The following TMEM135 variants were observed in gnomAD, a reference collection of about 807,000 sequenced individuals.
TMEM135 encodes the protein peroxisomal membrane protein 52.
In TMEM135, 30 loss-of-function variants were observed where a neutral mutation model predicts 60.3. The ratio of observed to expected loss-of-function variants is 0.50; its 90% confidence interval spans 0.37 to 0.68. The LOEUF is 0.68. Among genes scored for constraint, TMEM135 ranks in the 30% least tolerant of loss-of-function variants. The probability of loss-of-function intolerance (pLI) is 0.00; values close to 1 mark genes in which losing one functional copy is unlikely to be tolerated. For missense variants in TMEM135, 468 were observed against 548.8 expected (o/e 0.85, Z 1.47); for synonymous variants, 190 against 186.7 (o/e 1.02, Z -0.14).
chr11:87,156,594 A>G lies in TMEM135; in HGVS notation c.397-747A>G, dbSNP rs558625689. 5.3e-5 allele frequency among the ~76,000 whole-genome samples: 8 copies of G among 151,772 alleles called. No individual in the cohort carries two copies. The South Asian group carries it at 1.7e-3, about 32-fold the overall frequency. On this transcript the variant is annotated intron_variant, in intron 4 of 14. Coordinates refer to ENST00000305494, the MANE Select transcript of TMEM135 (RefSeq NM_022918.4). Reference sequence around the variant, plus strand: ...TCACTTCCTTGTTTTATTTTTCCCTAGGAGTTTTTTTTTATGCTGTTGTAA... The same window carrying G: ...TCACTTCCTTGTTTTATTTTTCCCTGGGAGTTTTTTTTTATGCTGTTGTAA...
chr11:87,264,025 A>G (rs187849670), intron 6 of TMEM135, among the ~76,000 whole-genome samples: 37 of 152,108 alleles, frequency 2.4e-4, no homozygotes, highest in Non-Finnish European at 4.9e-4. Context: ...AAAAATTCTT[A>G]ATGTATATTT....
At chr11:87,264,073 A>C (rs543745621) in intron 6 of TMEM135, among the ~76,000 whole-genome samples, 1 of 152,128 alleles carries the variant, frequency 6.6e-6, no homozygotes, top group East Asian at 1.9e-4. Flanking sequence ...CTGTAGTGGA[A>C]ATATCATACC....
intron 6 of TMEM135, among the ~76,000 whole-genome samples, chr11:87,280,559 T>C (rs1942043371): frequency 6.6e-6 from 1 of 152,216 alleles, no homozygotes; most frequent in African/African-American, 2.4e-5. Flanking sequence ...TTATAGCACC[T>C]TAAATGTCTT....
intron 3 of TMEM135, 51 bp downstream of exon 3, chr11:87,071,666 C>A (rs774385731): frequency 6.5e-6 from 9 of 1,394,338 alleles, no homozygotes; most frequent in Non-Finnish European, 7.8e-6. Context: ...TCCCCTACCC[C>A]AACTATAATT....
intron 4 of TMEM135, among the ~76,000 whole-genome samples, chr11:87,151,808 T>C (rs1938562958): frequency 1.3e-5 from 2 of 152,108 alleles, no homozygotes; most frequent in Non-Finnish European, 2.9e-5. Context: ...GAAAGAGATA[T>C]AGTAGGTGGT....
chr11:87,158,797 C>A (rs1398148200), intron 5 of TMEM135, among the ~76,000 whole-genome samples: 2 of 152,102 alleles, frequency 1.3e-5, no homozygotes, highest in Admixed American at 6.6e-5. Context: ...TATATTTTGT[C>A]TATACAGAAA....
chr11:87,077,191 T>C (rs1856891531), intron 3 of TMEM135, among the ~76,000 whole-genome samples: 1 of 152,248 alleles, frequency 6.6e-6, no homozygotes, highest in South Asian at 2.1e-4. Flanking sequence ...TTCATTTCTA[T>C]ATTTATATCA....
At chr11:87,183,135 ATTTTT>A (rs772123636) in intron 5 of TMEM135, among the ~76,000 whole-genome samples, 2,290 of 92,616 alleles carry the variant, frequency 0.025, 17 homozygotes, top group South Asian at 0.04. Flanking sequence ...GTAATCACTA[ATTTTT>A]TTTTTTTTTT....
At chr11:87,285,693 A>G (rs1942151613) in intron 6 of TMEM135, among the ~76,000 whole-genome samples, 1 of 152,226 alleles carries the variant, frequency 6.6e-6, no homozygotes, top group African/African-American at 2.4e-5. Context: ...AGGTATTGCA[A>G]AGAGCGAAAG....
At chr11:87,122,025 C>T (rs2135217104) in intron 4 of TMEM135, among the ~76,000 whole-genome samples, 1 of 152,298 alleles carries the variant, frequency 6.6e-6, no homozygotes, top group African/African-American at 2.4e-5. Flanking sequence ...ATTAGTAAAA[C>T]ATTTTAATTG....
At chr11:87,183,675 G>T (rs978331713) in intron 5 of TMEM135, among the ~76,000 whole-genome samples, 1 of 151,974 alleles carries the variant, frequency 6.6e-6, no homozygotes, top group Non-Finnish European at 1.5e-5. Context: ...AAAAATTCTG[G>T]CCAGGTGCGG....
Position 87,319,360 on chromosome 11 carries a change from A to G in TMEM135, c.1227A>G (p.Leu409=). 1 of 1,612,912 alleles carries G rather than the reference A, an allele frequency of 6.2e-7. No homozygotes were observed. Among genetic ancestry groups the G allele is most frequent in the South Asian group, 1.1e-5 (1 of 91,052 alleles). Residue 409 remains leucine, a synonymous_variant, in exon 14 of 15, where the codon TTA becomes TTG. Transcript: ENST00000305494. ...TLRPSYWKFL[L]RLTKGKFAVM... ...GACCATCTTACTGGAAGTTCCTTTT[A>G]AGACTCACCAAGGGCAAGTAAGTGA...
At chr11:87,283,745 C>G (rs989637580) in intron 6 of TMEM135, among the ~76,000 whole-genome samples, 8 of 152,054 alleles carry the variant, frequency 5.3e-5, no homozygotes, top group Admixed American at 2.0e-4. Flanking sequence ...GTAATCCCAG[C>G]TACTTGGGAG....
intron 12 of TMEM135, among the ~76,000 whole-genome samples, chr11:87,316,247 A>T (rs1185263208): frequency 6.6e-6 from 1 of 150,764 alleles, no homozygotes; most frequent in Non-Finnish European, 1.5e-5. Context: ...TAACTTAATT[A>T]CTTGCTTTAC....
At chr11:87,251,256 G>A (rs1338352393) in intron 6 of TMEM135, among the ~76,000 whole-genome samples, 1 of 152,126 alleles carries the variant, frequency 6.6e-6, no homozygotes, top group Non-Finnish European at 1.5e-5. Context: ...GTTCTGTAGT[G>A]AGAATATGGA....
rs781664142 is a variant in TMEM135 at position 87,321,381 on chromosome 11, T to A, written c.*48T>A. ...TGACTAAATGTTTCATCTTGAAGAG[T>A]TAATTATGTTGAACACAAAGGAGGG... On this transcript the variant is annotated 3_prime_UTR_variant, in exon 15 of 15. Transcript: ENST00000305494. 1 of 1,606,814 alleles carries A rather than the reference T, an allele frequency of 6.2e-7. No homozygotes were observed. Among genetic ancestry groups the A allele is most frequent in the African/African-American group, 1.3e-5 (1 of 74,720 alleles).
chr11:87,209,213 A>G (rs1187281973), intron 5 of TMEM135, among the ~76,000 whole-genome samples: 2 of 152,186 alleles, frequency 1.3e-5, no homozygotes, highest in African/African-American at 2.4e-5. Flanking sequence ...ATTGACCCTT[A>G]ATGTCAATGG....
chr11:87,186,926 G>A (rs1338065345), intron 5 of TMEM135, among the ~76,000 whole-genome samples: 1 of 152,104 alleles, frequency 6.6e-6, no homozygotes, highest in East Asian at 1.9e-4. Context: ...ATAAAACAAT[G>A]TTTATAGGGG....
intron 3 of TMEM135, among the ~76,000 whole-genome samples, chr11:87,080,932 C>T (rs1230426997): frequency 2.6e-5 from 4 of 151,988 alleles, no homozygotes; most frequent in Non-Finnish European, 2.9e-5. Context: ...ATGATCCACA[C>T]GCCTTGGCCT....
Sources: gnomAD v4.1 joint callset for allele counts (sites outside exome capture counted in the v4.1 genomes callset) on GRCh38, gnomAD v4.1.1 for gene constraint, MANE v1.5 for transcripts, NCBI Gene and HGNC (gene_info 2026-07-23, HGNC 2026-07-21) for gene names.